Variants in SEMA3E observed in about 807,000 individuals in gnomAD.
SEMA3E encodes the protein semaphorin-3E.
A neutral mutation model predicts 93.6 loss-of-function variants in SEMA3E; 49 were observed. That is an observed-to-expected ratio of 0.52 (90% CI 0.42 to 0.66). SEMA3E has a LOEUF of 0.66. Among genes scored for constraint, SEMA3E ranks in the 30% least tolerant of loss-of-function variants. The probability of loss-of-function intolerance (pLI) is 0.00; values close to 1 mark genes in which losing one functional copy is unlikely to be tolerated. For missense variants in SEMA3E, 906 were observed against 964.8 expected (o/e 0.94, Z 0.81); for synonymous variants, 363 against 330.7 (o/e 1.10, Z -1.06).
intron 1 of SEMA3E, among the ~76,000 whole-genome samples, chr7:83,546,963 C>G (rs1411167606): frequency 1.3e-5 from 2 of 151,934 alleles, no homozygotes. Flanking sequence ...ATTAAGCAAG[C>G]CTAATGTCTG....
At position 83,389,371 on chromosome 7, in the gene SEMA3E, G is replaced by A. The variant is rs929810017; in HGVS notation, c.1668-2321C>T. Among the ~76,000 whole-genome samples, 14 of 124,690 alleles carry A rather than the reference G, an allele frequency of 1.1e-4. 1 individual carries two copies. Among genetic ancestry groups the A allele is most frequent in the Non-Finnish European group, 2.5e-4 (13 of 52,454 alleles). 81.8% of individuals were successfully genotyped at this position (124,690 alleles called of 152,430 possible). On this transcript the variant is annotated intron_variant, in intron 14 of 16. Transcript: ENST00000643230. Reference sequence around the variant, plus strand: ...GAAATGGCTTCCACTTGGCCGAGATGGTGTTGTATAAAGATTATTATACAA... The same window carrying A: ...GAAATGGCTTCCACTTGGCCGAGATAGTGTTGTATAAAGATTATTATACAA...
intron 1 of SEMA3E, among the ~76,000 whole-genome samples, chr7:83,632,562 T>C (rs1344706494): frequency 6.6e-6 from 1 of 152,188 alleles, no homozygotes; most frequent in African/African-American, 2.4e-5. Context: ...AGATGTGACT[T>C]GCTCCTCCTT....
At chr7:83,403,458 G>A (rs1172586997) in intron 9 of SEMA3E, among the ~76,000 whole-genome samples, 1 of 151,914 alleles carries the variant, frequency 6.6e-6, no homozygotes, top group Non-Finnish European at 1.5e-5. Context: ...CTACTTGACA[G>A]TATAAAGGCA....
intron 1 of SEMA3E, among the ~76,000 whole-genome samples, chr7:83,551,038 T>A (rs545642415): frequency 6.6e-6 from 1 of 152,238 alleles, no homozygotes; most frequent in African/African-American, 2.4e-5. Flanking sequence ...TAAGTGTTGG[T>A]AAACATGTGG....
intron 4 of SEMA3E, among the ~76,000 whole-genome samples, chr7:83,453,346 T>C (rs73174513): frequency 0.2 from 30,543 of 151,492 alleles, 3,339 homozygotes; most frequent in Middle Eastern, 0.31. Context: ...ACTATGTTAG[T>C]GTAAATAATT....
intron 1 of SEMA3E, among the ~76,000 whole-genome samples, chr7:83,556,451 AT>A (rs1413260486): frequency 6.6e-6 from 1 of 152,182 alleles, no homozygotes; most frequent in Non-Finnish European, 1.5e-5. Flanking sequence ...AAAACAGACA[AT>A]GATTCATGCT....
chr7:83,537,652 T>C (rs1378404811), intron 1 of SEMA3E, among the ~76,000 whole-genome samples: 1 of 152,222 alleles, frequency 6.6e-6, no homozygotes, highest in Non-Finnish European at 1.5e-5. Flanking sequence ...CAATATGGTT[T>C]CTTTCCTGCT....
intron 4 of SEMA3E, among the ~76,000 whole-genome samples, chr7:83,453,091 A>G (rs1270149406): frequency 1.3e-5 from 2 of 152,104 alleles, no homozygotes; most frequent in Non-Finnish European, 2.9e-5. Context: ...GCAGTGGCGC[A>G]ATCTCGGCTC....
At chr7:83,482,564 CAAAAA>C (rs11429680) in intron 2 of SEMA3E, among the ~76,000 whole-genome samples, 33 of 80,232 alleles carry the variant, frequency 4.1e-4, no homozygotes, top group Non-Finnish European at 5.4e-4. Context: ...CACTCCGTCT[CAAAAA>C]AAAAAAAAAA....
intron 1 of SEMA3E, among the ~76,000 whole-genome samples, chr7:83,521,659 G>A (rs990729789): frequency 1.3e-5 from 2 of 152,076 alleles, no homozygotes; most frequent in Non-Finnish European, 2.9e-5. Flanking sequence ...TTTGGTTCCT[G>A]GTGTGGGTTT....
At chr7:83,613,787 T>C (rs1283897368) in intron 1 of SEMA3E, among the ~76,000 whole-genome samples, 1 of 152,088 alleles carries the variant, frequency 6.6e-6, no homozygotes, top group Non-Finnish European at 1.5e-5. Flanking sequence ...TCTCTCTTAT[T>C]TTCCACTGAA....
intron 4 of SEMA3E, among the ~76,000 whole-genome samples, chr7:83,422,874 T>C (rs1200487521): frequency 6.6e-6 from 1 of 152,184 alleles, no homozygotes; most frequent in Non-Finnish European, 1.5e-5. Flanking sequence ...AATTTTAAGA[T>C]CAAGAGAAAC....
chr7:83,492,920 G>C, intron 1 of SEMA3E, among the ~76,000 whole-genome samples: 1 of 151,950 alleles, frequency 6.6e-6, no homozygotes, highest in East Asian at 1.9e-4. Flanking sequence ...AAGTATAACA[G>C]GTGCGTATAT....
intron 1 of SEMA3E, among the ~76,000 whole-genome samples, chr7:83,554,656 T>G (rs1791844946): frequency 6.6e-6 from 1 of 152,130 alleles, no homozygotes; most frequent in Non-Finnish European, 1.5e-5. Flanking sequence ...ACATTTACTT[T>G]ATAACAAGAT....
intron 1 of SEMA3E, among the ~76,000 whole-genome samples, chr7:83,517,236 T>C (rs185609333): frequency 1.3e-5 from 2 of 152,144 alleles, no homozygotes; most frequent in Admixed American, 6.5e-5. Flanking sequence ...AGACGGAGCA[T>C]GAAAGACTTT....
intron 4 of SEMA3E, among the ~76,000 whole-genome samples, chr7:83,436,037 T>G (rs993811017): frequency 6.6e-6 from 1 of 152,164 alleles, no homozygotes; most frequent in East Asian, 1.9e-4. Context: ...TTATATCATA[T>G]GATTTAATTG....
In SEMA3E at chr7:83,394,365, T is replaced by C. The variant is rs772029901; in HGVS notation, c.1459-27A>G. ...TGAAATTTTAAAAAAGTTTTCATTT[T>C]TAAGAAAACAGTATAAAAACATTTA... On this transcript the variant is annotated intron_variant, in intron 12 of 16. Coordinates refer to ENST00000643230, the MANE Select transcript of SEMA3E (RefSeq NM_012431.3). 6 of 1,582,294 alleles carry C rather than the reference T, an allele frequency of 3.8e-6. No individual in the cohort carries two copies. The East Asian group carries it at 1.3e-4, about 36-fold the overall frequency.
intron 1 of SEMA3E, among the ~76,000 whole-genome samples, chr7:83,546,316 T>G (rs1335198075): frequency 1.6e-5 from 2 of 122,442 alleles, no homozygotes; most frequent in Non-Finnish European, 3.4e-5. Context: ...TGCATTATAA[T>G]AAGGGGTGTG....
At chr7:83,582,498 T>C (rs1792535385) in intron 1 of SEMA3E, among the ~76,000 whole-genome samples, 1 of 152,040 alleles carries the variant, frequency 6.6e-6, no homozygotes, top group South Asian at 2.1e-4. Flanking sequence ...GTTCTGAGAA[T>C]CAGGAGCCAT....
Sources: allele counts gnomAD v4.1 joint callset (sites outside exome capture counted in the v4.1 genomes callset), GRCh38; gene constraint gnomAD v4.1.1; transcripts MANE v1.5; gene names NCBI Gene and HGNC (gene_info 2026-07-23, HGNC 2026-07-21).